The following GAN variants were observed in gnomAD, a reference collection of about 807,000 sequenced individuals.
GAN encodes the protein gigaxonin, also known as epididymis secretory sperm binding protein.
Under a neutral mutation model 71.3 loss-of-function variants are expected in GAN, and 48 were observed. That is an observed-to-expected ratio of 0.67 (90% CI 0.53 to 0.86). The LOEUF (loss-of-function observed/expected upper bound fraction) is 0.86. Among genes scored for constraint, GAN ranks in the 40% least tolerant of loss-of-function variants. The pLI, the probability that GAN is intolerant of heterozygous loss-of-function variation, is 0.00. For synonymous variants in GAN, 386 were observed against 276.8 expected (o/e 1.39, Z -3.92); for missense variants, 928 against 770.1 (o/e 1.21, Z -2.43).
intron 1 of GAN, among the ~76,000 whole-genome samples, chr16:81,342,498 C>T (rs1005355604): frequency 6.6e-6 from 1 of 152,218 alleles, no homozygotes; most frequent in Admixed American, 6.5e-5. Flanking sequence ...CGCACAACTA[C>T]ATGGAAACTG....
intron 1 of GAN, among the ~76,000 whole-genome samples, chr16:81,326,439 A>G (rs1909391039): frequency 6.6e-6 from 1 of 151,966 alleles, no homozygotes; most frequent in Non-Finnish European, 1.5e-5. Flanking sequence ...AGGCTGAGGC[A>G]GGAGAATTGT....
rs1354787088 is a variant in GAN at position 81,390,584 on chromosome 16, T to G, written c.*12988T>G. ...CTTGTACCAAGGATCAGTGAAAGTG[T>G]TTTATCTTTTTTATGTAGTTTGTAT... On this transcript the variant is annotated 3_prime_UTR_variant, in exon 11 of 11. Coordinates refer to ENST00000648994, the MANE Select transcript of GAN (RefSeq NM_022041.4). The G allele has an allele frequency of 6.6e-6, 1 of 152,198 alleles. No individual in the cohort carries two copies. Among genetic ancestry groups the G allele is most frequent in the Non-Finnish European group, 1.5e-5 (1 of 68,032 alleles). The allele number at this position is 152,198 out of a possible 1,614,324, so 9.4% of individuals were successfully genotyped here.
At chr16:81,334,270 G>A (rs1180686575) in intron 1 of GAN, among the ~76,000 whole-genome samples, 2 of 152,182 alleles carry the variant, frequency 1.3e-5, no homozygotes, top group Non-Finnish European at 2.9e-5. Flanking sequence ...GGGAAGGGAG[G>A]CTGTCGGGGA....
chr16:81,350,835 T>A (rs187775147), intron 1 of GAN, among the ~76,000 whole-genome samples: 1 of 152,018 alleles, frequency 6.6e-6, no homozygotes, highest in African/African-American at 2.4e-5. Context: ...TTCTTTAACA[T>A]AGCACAAAAG....
At position 81,359,197 on chromosome 16, in the gene GAN, A is replaced by G. The variant is rs573186319; in HGVS notation, c.973+1266A>G. On this transcript the variant is annotated intron_variant, in intron 5 of 10. Transcript: ENST00000648994. ...GCATCTTCTCAGAATTAGCTCCCTT[A>G]CATTTCCCCCAAAATATATACACAT... Among the ~76,000 whole-genome samples the G allele has an allele frequency of 2.6e-5, 3 of 116,952 alleles. No individual in the cohort carries two copies. In the South Asian group the frequency reaches 7.6e-4, roughly 30 times the overall value. 76.7% of individuals were successfully genotyped at this position (116,952 alleles called of 152,430 possible).
chr16:81,369,836 C>G (rs1240474781), intron 9 of GAN, among the ~76,000 whole-genome samples: 1 of 152,218 alleles, frequency 6.6e-6, no homozygotes, highest in Non-Finnish European at 1.5e-5. Context: ...TCCCAAAGTG[C>G]TGGGATTACA....
intron 1 of GAN, among the ~76,000 whole-genome samples, chr16:81,346,388 G>C (rs1910119215): frequency 1.9e-5 from 1 of 53,172 alleles, no homozygotes; most frequent in Non-Finnish European, 5.8e-5. Context: ...TAAGGCCTTA[G>C]GACTGGGCCA....
intron 9 of GAN, among the ~76,000 whole-genome samples, chr16:81,375,211 C>G (rs1904276760): frequency 6.6e-6 from 1 of 151,102 alleles, no homozygotes; most frequent in Non-Finnish European, 1.5e-5. Context: ...ATACATTTAT[C>G]TAGCAAAGTA....
At chr16:81,336,994 C>A (rs1909785688) in intron 1 of GAN, among the ~76,000 whole-genome samples, 2 of 151,926 alleles carry the variant, frequency 1.3e-5, no homozygotes, top group Non-Finnish European at 2.9e-5. Context: ...GGTGGTGTGC[C>A]TTCTATGGGT....
At chr16:81,351,558 T>A in intron 1 of GAN, 25 bp from the exon 2 acceptor site, 1 of 923,792 alleles carries the variant, frequency 1.1e-6, no homozygotes, top group Non-Finnish European at 1.8e-6. Context: ...TTCATAGAAA[T>A]TTTACATTTT....
At chr16:81,375,714 C>T (rs1208000784) in intron 9 of GAN, among the ~76,000 whole-genome samples, 2 of 151,760 alleles carry the variant, frequency 1.3e-5, no homozygotes, top group African/African-American at 4.8e-5. Context: ...ACCTGCAATC[C>T]CAGTACTTTA....
chr16:81,331,068 G>T (rs951837257), intron 1 of GAN, among the ~76,000 whole-genome samples: 3 of 152,192 alleles, frequency 2.0e-5, no homozygotes, highest in African/African-American at 7.2e-5. Flanking sequence ...AGCCAGGCAT[G>T]GTGGCGCACA....
In GAN at chr16:81,364,962, C is replaced by T. The variant is rs762728298; in HGVS notation, c.1237-12C>T. 2.5e-6 allele frequency: 4 copies of T among 1,613,642 alleles called. No homozygotes were observed. The highest frequency in any genetic ancestry group is 2.5e-6 in the Non-Finnish European group (3 of 1,179,664). On this transcript the variant is annotated splice_polypyrimidine_tract_variant and intron_variant, in intron 7 of 10. Transcript: ENST00000648994. ...ATGTTGCCTCTCCCCCACCATTGTTCTCTGCTTTCAGATCGGCTGCTATGC... is the reference window on the plus strand; with the variant it reads ...ATGTTGCCTCTCCCCCACCATTGTTTTCTGCTTTCAGATCGGCTGCTATGC...
intron 9 of GAN, among the ~76,000 whole-genome samples, chr16:81,375,151 C>A (rs1428895423): frequency 6.6e-6 from 1 of 151,824 alleles, no homozygotes; most frequent in Non-Finnish European, 1.5e-5. Flanking sequence ...TCAAAAGAGT[C>A]CATTAGGAAA....
chr16:81,332,033 T>C (rs141369715), intron 1 of GAN, among the ~76,000 whole-genome samples: 2 of 152,102 alleles, frequency 1.3e-5, no homozygotes, highest in East Asian at 1.9e-4. Flanking sequence ...TGGTGGCGCA[T>C]GCCTGTGATC....
At position 81,321,844 on chromosome 16, in the gene GAN, A is replaced by G. The variant is rs879830671; in HGVS notation, c.167+6564A>G. ...TGTGAGATGTGACACGTGGCAGGCTATGGTTGCGACCTTGCATTTGAGCGC... is the reference window on the plus strand; with the variant it reads ...TGTGAGATGTGACACGTGGCAGGCTGTGGTTGCGACCTTGCATTTGAGCGC... On this transcript the variant is annotated intron_variant, in intron 1 of 10. Transcript: ENST00000648994. Among the ~76,000 whole-genome samples, 11 of 152,318 alleles carry G rather than the reference A, an allele frequency of 7.2e-5. 1 individual carries two copies. The highest frequency in any genetic ancestry group is 5.2e-4 in the Admixed American group (8 of 15,304).
chr16:81,358,453 A>G (rs75757265), intron 5 of GAN, among the ~76,000 whole-genome samples: 1 of 152,032 alleles, frequency 6.6e-6, no homozygotes. Context: ...ACTAAAAATC[A>G]AAAAAATTAG....
At chr16:81,344,734 C>T (rs1185809574) in intron 1 of GAN, among the ~76,000 whole-genome samples, 2 of 151,620 alleles carry the variant, frequency 1.3e-5, no homozygotes, top group Non-Finnish European at 2.9e-5. Context: ...AAAGCAATGG[C>T]AAAAAAGCCA....
In GAN at chr16:81,374,726, T is replaced by C. The variant is rs73602859; in HGVS notation, c.1503-2493T>C. Among the ~76,000 whole-genome samples the C allele has an allele frequency of 2.2e-3, 340 of 152,344 alleles. 1 individual carries two copies. Among genetic ancestry groups the C allele is most frequent in the African/African-American group, 7.9e-3 (327 of 41,582 alleles). ...CCCCCATCCTTTTTTAAGCACTTCC[T>C]ATCTGGCACGACAGGATGCCCCAGG... On this transcript the variant is annotated intron_variant, in intron 9 of 10. Transcript: ENST00000648994.
Sources: gnomAD v4.1 joint callset for allele counts (sites outside exome capture counted in the v4.1 genomes callset) on GRCh38, gnomAD v4.1.1 for gene constraint, MANE v1.5 for transcripts, NCBI Gene and HGNC (gene_info 2026-07-23, HGNC 2026-07-21) for gene names.